The following GALNT13 variants were observed in gnomAD, a reference collection of about 807,000 sequenced individuals.
GALNT13 encodes polypeptide N-acetylgalactosaminyltransferase 13.
A neutral mutation model predicts 64.2 loss-of-function variants in GALNT13; 28 were observed. The observed-to-expected ratio is 0.44, with a 90% CI of 0.32 to 0.60. The LOEUF is 0.60. Ranked by LOEUF, GALNT13 falls within the 20% of genes least tolerant of loss-of-function variation. The pLI is 0.05. For missense variants in GALNT13, 577 were observed against 669.8 expected (o/e 0.86, Z 1.53); for synonymous variants, 214 against 224.6 (o/e 0.95, Z 0.42).
chr2:154,078,889 G>A (rs1475048573), intron 3 of GALNT13, among the ~76,000 whole-genome samples: 1 of 151,648 alleles, frequency 6.6e-6, no homozygotes, highest in Non-Finnish European at 1.5e-5. Flanking sequence ...CTGTGCCTCA[G>A]TGACTTCAAT....
chr2:153,397,677 G>C, the GALNT13 span, among the ~76,000 whole-genome samples: 2 of 151,924 alleles, frequency 1.3e-5, no homozygotes, highest in Non-Finnish European at 2.9e-5. Flanking sequence ...CAAGGGGGAG[G>C]GTTCAAAGTG....
the GALNT13 span, among the ~76,000 whole-genome samples, chr2:153,684,069 AATATATATAT>A: frequency 6.7e-6 from 1 of 148,380 alleles, no homozygotes; most frequent in African/African-American, 2.5e-5. Flanking sequence ...TCTTCATAAT[AATATATATAT>A]ATATATATAT....
chr2:153,610,876 G>A, the GALNT13 span, among the ~76,000 whole-genome samples: 1 of 151,996 alleles, frequency 6.6e-6, no homozygotes, highest in Non-Finnish European at 1.5e-5. Flanking sequence ...TTGTTTCAAT[G>A]AAAGAAAGAA....
the GALNT13 span, among the ~76,000 whole-genome samples, chr2:153,611,837 C>G: frequency 6.6e-6 from 1 of 151,872 alleles, no homozygotes; most frequent in Non-Finnish European, 1.5e-5. Flanking sequence ...GGTATTTGTC[C>G]TAGTGCTCTC....
At chr2:153,926,762 G>A (rs886103106) in intron 2 of GALNT13, among the ~76,000 whole-genome samples, 1 of 151,928 alleles carries the variant, frequency 6.6e-6, no homozygotes, top group African/African-American at 2.4e-5. Flanking sequence ...CGTACACATC[G>A]GCACAAATAT....
chr2:154,238,932 A>C (rs918746117), intron 4 of GALNT13, among the ~76,000 whole-genome samples: 2 of 152,018 alleles, frequency 1.3e-5, no homozygotes, highest in Non-Finnish European at 2.9e-5. Context: ...TGTGCATTAG[A>C]TCTCCAGAAG....
chr2:154,099,196 A>G (rs549580818), intron 3 of GALNT13, among the ~76,000 whole-genome samples: 16 of 152,042 alleles, frequency 1.1e-4, no homozygotes, highest in African/African-American at 3.9e-4. Flanking sequence ...TCTCATTTTT[A>G]TTGGCTGCTT....
chr2:153,552,479 G>T, the GALNT13 span, among the ~76,000 whole-genome samples: 1 of 151,738 alleles, frequency 6.6e-6, no homozygotes, highest in African/African-American at 2.4e-5. Flanking sequence ...CCACCTTAAT[G>T]TGAGGAGGGT....
chr2:153,721,786 G>A, the GALNT13 span, among the ~76,000 whole-genome samples: 2 of 151,552 alleles, frequency 1.3e-5, no homozygotes, highest in African/African-American at 4.9e-5. Context: ...ATCCAATACA[G>A]GAGCACCCAG....
In GALNT13 at chr2:154,073,914, A is replaced by T. The variant is rs1700863512; in HGVS notation, c.143-66423A>T. On this transcript the variant is annotated intron_variant, in intron 3 of 12. Coordinates refer to ENST00000392825, the MANE Select transcript of GALNT13 (RefSeq NM_052917.4). ...ATTGAATTCAAAGGCAGATTTGAGA[A>T]TCTGGCTAGTTTCTAATAAGGCAGA... Among the ~76,000 whole-genome samples the T allele has an allele frequency of 2.0e-5, 3 of 151,924 alleles. No homozygotes were observed. The South Asian group carries it at 6.2e-4, about 31-fold the overall frequency.
At chr2:153,711,891 G>A in the GALNT13 span, among the ~76,000 whole-genome samples, 1 of 152,146 alleles carries the variant, frequency 6.6e-6, no homozygotes, top group East Asian at 1.9e-4. Flanking sequence ...CAAATGGCTA[G>A]GCCTACCTTC....
At chr2:153,614,961 G>C in the GALNT13 span, among the ~76,000 whole-genome samples, 1 of 151,972 alleles carries the variant, frequency 6.6e-6, no homozygotes, top group Non-Finnish European at 1.5e-5. Flanking sequence ...TTATCAAATA[G>C]TAGGTCTTAT....
the GALNT13 span, among the ~76,000 whole-genome samples, chr2:153,835,965 A>G: frequency 6.6e-6 from 1 of 152,066 alleles, no homozygotes; most frequent in South Asian, 2.1e-4. Context: ...TATCAAAAGC[A>G]TTGAGTTTGC....
the GALNT13 span, among the ~76,000 whole-genome samples, chr2:153,785,897 A>T: frequency 6.6e-6 from 1 of 152,066 alleles, no homozygotes; most frequent in Admixed American, 6.6e-5. Context: ...GACCTCCAGC[A>T]CAGAGCAGCC....
chr2:154,207,401 T>C (rs1222266835), intron 4 of GALNT13, among the ~76,000 whole-genome samples: 1 of 152,170 alleles, frequency 6.6e-6, no homozygotes, highest in Non-Finnish European at 1.5e-5. Context: ...AATCTGTTTA[T>C]TATAAATTAC....
intron 10 of GALNT13, among the ~76,000 whole-genome samples, chr2:154,400,022 G>C (rs1396665592): frequency 6.6e-6 from 1 of 152,110 alleles, no homozygotes; most frequent in African/African-American, 2.4e-5. Flanking sequence ...TCCAGCATCT[G>C]TTTCCATGGA....
the GALNT13 span, among the ~76,000 whole-genome samples, chr2:153,195,766 G>A: frequency 6.6e-6 from 1 of 152,214 alleles, no homozygotes; most frequent in Non-Finnish European, 1.5e-5. Flanking sequence ...CCGAGTAATT[G>A]TTCTGCAACC....
intron 3 of GALNT13, among the ~76,000 whole-genome samples, chr2:153,987,142 C>A (rs1157889461): frequency 6.6e-6 from 1 of 151,874 alleles, no homozygotes; most frequent in Non-Finnish European, 1.5e-5. Flanking sequence ...TAGATTGGAT[C>A]TAAAGGATAA....
At chr2:153,220,925 G>A in the GALNT13 span, among the ~76,000 whole-genome samples, 6 of 152,290 alleles carry the variant, frequency 3.9e-5, no homozygotes, top group South Asian at 1.2e-3. Context: ...ATAAGTAGGA[G>A]CTAAACGATA....
Sources: gnomAD v4.1 joint callset for allele counts (sites outside exome capture counted in the v4.1 genomes callset) on GRCh38, gnomAD v4.1.1 for gene constraint, MANE v1.5 for transcripts, NCBI Gene and HGNC (gene_info 2026-07-23, HGNC 2026-07-21) for gene names.